Variants in NR1D2 observed in about 807,000 individuals in gnomAD.
NR1D2 encodes the protein V-erbA-related protein 1-related.
NR1D2 carries 25 observed loss-of-function variants against 52.2 expected under a neutral mutation model. The ratio of observed to expected loss-of-function variants is 0.48; its 90% CI spans 0.35 to 0.67. The LOEUF (loss-of-function observed/expected upper bound fraction) is 0.67, where lower values mean the gene tolerates loss of function less well. Among genes scored for constraint, NR1D2 ranks in the 30% least tolerant of loss-of-function variants. The pLI, the probability that NR1D2 is intolerant of heterozygous loss-of-function variation, is 0.01. For missense variants in NR1D2, 681 were observed against 707.2 expected, an observed-to-expected ratio of 0.96 and a Z score of 0.42; for synonymous variants, 259 against 230.1, an observed-to-expected ratio of 1.13 and a Z score of -1.14.
At position 23,978,423 on chromosome 3, in the gene NR1D2, T is replaced by TAATA. The variant is rs1468639862; in HGVS notation, c.*1004_*1005insAATA. ...GAATATTGAATTTATGCTCTATTTTTGTTTATTTAAGCAACACTTAATGTA... is the reference window on the plus strand; with the variant it reads ...GAATATTGAATTTATGCTCTATTTTTAATAGTTTATTTAAGCAACACTTAATGTA... On this transcript the variant is annotated 3_prime_UTR_variant, in exon 8 of 8. Transcript: ENST00000312521. 1.3e-5 allele frequency: 2 copies of TAATA among 152,160 alleles called. No homozygotes were observed. Among genetic ancestry groups the TAATA allele is most frequent in the Non-Finnish European group, 2.9e-5 (2 of 68,018 alleles). The allele number at this position is 152,160 out of a possible 1,614,324, so 9.4% of individuals were successfully genotyped here.
At position 23,980,157 on chromosome 3, in the gene NR1D2, A is replaced by G. The variant is rs1444973288; in HGVS notation, c.*2738A>G. On this transcript the variant is annotated 3_prime_UTR_variant, in exon 8 of 8. Coordinates refer to ENST00000312521, the MANE Select transcript of NR1D2 (RefSeq NM_005126.5). ...CATATCTACATTTCAAGAAATTACC[A>G]TTGTAACTTGATAAGAGATGATTTA... 8 of 152,196 alleles carry G rather than the reference A, an allele frequency of 5.3e-5. No homozygotes were observed. Among genetic ancestry groups the G allele is most frequent in the Non-Finnish European group, 1.0e-4 (7 of 68,018 alleles). 9.4% of individuals were successfully genotyped at this position (152,196 alleles called of 1,614,324 possible).
chr3:23,974,694 G>A (rs911709471), intron 7 of NR1D2, among the ~76,000 whole-genome samples: 4 of 151,980 alleles, frequency 2.6e-5, no homozygotes, highest in Non-Finnish European at 4.4e-5. Context: ...CATTACTGAA[G>A]GCTTTATTTT....
intron 1 of NR1D2, chr3:23,946,127 T>TC: frequency 1.0e-6 from 1 of 983,650 alleles, no homozygotes; most frequent in Non-Finnish European, 1.2e-6. Flanking sequence ...GATTCCCTCC[T>TC]CCCCCGCGGG....
At chr3:23,947,795 C>T (rs1467535116) in intron 1 of NR1D2, among the ~76,000 whole-genome samples, 1 of 152,146 alleles carries the variant, frequency 6.6e-6, no homozygotes, top group Non-Finnish European at 1.5e-5. Context: ...TTTCTGCTAT[C>T]TATCAGTAAG....
chr3:23,960,552 G>A (rs191708189), intron 4 of NR1D2, among the ~76,000 whole-genome samples: 2 of 152,056 alleles, frequency 1.3e-5, no homozygotes, highest in Admixed American at 1.3e-4. Flanking sequence ...GGCTGGTCTC[G>A]AACTCCTGAC....
Position 23,962,259 on chromosome 3 carries a change from A to T in NR1D2, c.800A>T (p.Tyr267Phe). The T allele has an allele frequency of 6.2e-7, 1 of 1,614,250 alleles. No individual in the cohort carries two copies. Among genetic ancestry groups the T allele is most frequent in the South Asian group, 1.1e-5 (1 of 91,088 alleles). ...AGAGCTCACAAGGATACCTTTATGT[A>T]TAATCAAGAGCAGCAAGAAAACTCA... ...VTRAHKDTFM[Y>F]NQEQQENSAE... The change falls in exon 5 of 8, where the codon TAT becomes TTT. Residue 267 changes from tyrosine (Y) to phenylalanine (F), a missense_variant. Tyr to Phe is a conservative substitution (Grantham distance 22). Around this residue, in one of 3 missense-constraint regions of NR1D2, gnomAD observed 475 missense variants for 454.5 expected, o/e 1.05. Coordinates refer to ENST00000312521, the MANE Select transcript of NR1D2 (RefSeq NM_005126.5).
intron 3 of NR1D2, among the ~76,000 whole-genome samples, chr3:23,957,433 T>TA (rs1055639358): frequency 1.6e-5 from 2 of 128,092 alleles, no homozygotes; most frequent in African/African-American, 6.0e-5. Context: ...TGTGAAGTAA[T>TA]AGGCCAGGTG....
rs1706800822 is a variant in NR1D2 at position 23,978,553 on chromosome 3, T to C, written c.*1134T>C. On this transcript the variant is annotated 3_prime_UTR_variant, in exon 8 of 8. Coordinates refer to ENST00000312521, the MANE Select transcript of NR1D2 (RefSeq NM_005126.5). ...TCTTTGGTTCAGGGTACTAGTTGTT[T>C]AAAAGTTGATTCATATTCTTACCTT... 6.6e-6 allele frequency: 1 copy of C among 152,174 alleles called. No individual in the cohort carries two copies. Among genetic ancestry groups the C allele is most frequent in the Admixed American group, 6.5e-5 (1 of 15,280 alleles). The allele number at this position is 152,174 out of a possible 1,614,324, so 9.4% of individuals were successfully genotyped here. A position where few individuals can be genotyped will look rare whatever the true frequency, so the allele number is the denominator to read the frequency against.
In NR1D2 at chr3:23,959,661, T is replaced by C; in HGVS notation, c.373-10T>C. The C allele has an allele frequency of 6.2e-7, 1 of 1,606,068 alleles. No homozygotes were observed. Among genetic ancestry groups the C allele is most frequent in the Non-Finnish European group, 8.5e-7 (1 of 1,177,444 alleles). On this transcript the variant is annotated splice_polypyrimidine_tract_variant and intron_variant, in intron 3 of 7. Coordinates refer to ENST00000312521, the MANE Select transcript of NR1D2 (RefSeq NM_005126.5). ...TTTAAATGGGTAAGTAAATCTTCCTTTGTTCTTAGGGTTTCTTTCGGAGAA... is the reference window on the plus strand; with the variant it reads ...TTTAAATGGGTAAGTAAATCTTCCTCTGTTCTTAGGGTTTCTTTCGGAGAA...
intron 1 of NR1D2, among the ~76,000 whole-genome samples, chr3:23,953,729 A>G (rs1369162023): frequency 6.6e-6 from 1 of 152,214 alleles, no homozygotes; most frequent in Non-Finnish European, 1.5e-5. Context: ...TACCATTCTA[A>G]ATGTTACATC....
At chr3:23,948,622 TA>T (rs1705843073) in intron 1 of NR1D2, among the ~76,000 whole-genome samples, 1 of 152,196 alleles carries the variant, frequency 6.6e-6, no homozygotes, top group Admixed American at 6.5e-5. Flanking sequence ...CCAGGCCTTT[TA>T]CATGTGTTCC....
intron 1 of NR1D2, among the ~76,000 whole-genome samples, chr3:23,952,467 T>G (rs1316796692): frequency 6.6e-6 from 1 of 151,898 alleles, no homozygotes; most frequent in Non-Finnish European, 1.5e-5. Flanking sequence ...CTCAGCACTT[T>G]GGGAGGTGGA....
chr3:23,949,492 CT>C (rs1337609116), intron 1 of NR1D2, among the ~76,000 whole-genome samples: 1 of 152,222 alleles, frequency 6.6e-6, no homozygotes, highest in Non-Finnish European at 1.5e-5. Context: ...GTGTTTGCCC[CT>C]ATTGATTTCT....
chr3:23,967,117 C>T (rs947924807), intron 6 of NR1D2, among the ~76,000 whole-genome samples: 9 of 151,844 alleles, frequency 5.9e-5, no homozygotes, highest in Admixed American at 6.6e-5. Flanking sequence ...CCTAAGGTCA[C>T]GAGTTTGAGA....
intron 4 of NR1D2, 79 bp downstream of exon 4, chr3:23,959,894 AC>A: frequency 7.3e-7 from 1 of 1,376,610 alleles, no homozygotes; most frequent in Non-Finnish European, 9.8e-7. Flanking sequence ...AGAGCTATAA[AC>A]CGGTTACCAA....
rs79280733 is a variant in NR1D2, at chr3:23,956,017, C to T, written c.284-20C>T. The T allele has an allele frequency of 5.5e-4, 871 of 1,578,346 alleles. No homozygotes were observed. Among genetic ancestry groups the T allele is most frequent in the East Asian group, 5.0e-3 (225 of 44,698 alleles). On this transcript the variant is annotated intron_variant, in intron 2 of 7. Transcript: ENST00000312521. ...CGGTGTTTCCTCCTACTTTTTACTT[C>T]GTGTCCTTTTGTGTCCTAGAATTTA...
chr3:23,948,404 A>G (rs972518444), intron 1 of NR1D2, among the ~76,000 whole-genome samples: 17 of 152,222 alleles, frequency 1.1e-4, no homozygotes, highest in Admixed American at 2.0e-4. Context: ...AGAATTGAAG[A>G]AAAGTTGCTC....
At chr3:23,947,215 T>C (rs560378294) in intron 1 of NR1D2, among the ~76,000 whole-genome samples, 6 of 152,220 alleles carry the variant, frequency 3.9e-5, no homozygotes, top group Non-Finnish European at 8.8e-5. Flanking sequence ...GCATGAATTC[T>C]AATAGCTTTA....
At chr3:23,968,560 G>A (rs937711858) in intron 7 of NR1D2, among the ~76,000 whole-genome samples, 5 of 152,238 alleles carry the variant, frequency 3.3e-5, no homozygotes, top group Admixed American at 6.5e-5. Context: ...GTCAAAGGAA[G>A]GGGTTGTACC....
Sources: allele counts gnomAD v4.1 joint callset (sites outside exome capture counted in the v4.1 genomes callset), GRCh38; gene constraint gnomAD v4.1.1; regional missense constraint gnomAD v4.1.1; transcripts MANE v1.5; gene names NCBI Gene and HGNC (gene_info 2026-07-23, HGNC 2026-07-21).